Variants in ABLIM1 observed in about 807,000 individuals in gnomAD.
ABLIM1 encodes the protein actin binding LIM protein 1, also known as actin-binding LIM protein 1.
A neutral mutation model predicts 107.0 loss-of-function variants in ABLIM1; 40 were observed. That is an observed-to-expected ratio of 0.37 (90% CI 0.29 to 0.49). The LOEUF is 0.49. Among genes scored for constraint, ABLIM1 ranks in the 20% least tolerant of loss-of-function variants. The probability of loss-of-function intolerance (pLI) is 0.97; values close to 1 mark genes in which losing one functional copy is unlikely to be tolerated. For synonymous variants in ABLIM1, 357 were observed against 357.3 expected, an observed-to-expected ratio of 1.00 and a Z score of 0.01; for missense variants, 857 against 1,008.5, an observed-to-expected ratio of 0.85 and a Z score of 2.04.
chr10:114,747,902 T>G (rs1449175702), intron 1 of ABLIM1, among the ~76,000 whole-genome samples: 1 of 152,094 alleles, frequency 6.6e-6, no homozygotes, highest in Non-Finnish European at 1.5e-5. Flanking sequence ...TAGCTGGGCG[T>G]GTTGGTATGT....
At chr10:114,706,832 T>C (rs1481203478) in intron 1 of ABLIM1, among the ~76,000 whole-genome samples, 1 of 152,102 alleles carries the variant, frequency 6.6e-6, no homozygotes, top group African/African-American at 2.4e-5. Context: ...CTGTGATTCA[T>C]TATGTTTCAG....
rs182706295 is a variant in ABLIM1, at chr10:114,647,242, G to A, written c.244+10715C>T. On this transcript the variant is annotated intron_variant, in intron 1 of 22. Coordinates refer to ENST00000533213, the MANE Select transcript of ABLIM1 (RefSeq NM_002313.7). ...TTGAACTGCTGACCTCAGGTGATCCGCCTGCCTCGGCCTCCCAAAGTACTG... is the reference window on the plus strand; with the variant it reads ...TTGAACTGCTGACCTCAGGTGATCCACCTGCCTCGGCCTCCCAAAGTACTG... 7.6e-4 allele frequency among the ~76,000 whole-genome samples: 110 copies of A among 145,636 alleles called. 2 individuals carry two copies. The highest frequency in any genetic ancestry group is 4.4e-3 in the South Asian group (21 of 4,812).
At chr10:114,502,194 T>C (rs181615245) in intron 6 of ABLIM1, 4 of 173,994 alleles carry the variant, frequency 2.3e-5, no homozygotes, top group Non-Finnish European at 2.6e-5. Flanking sequence ...ATCCTCTCAT[T>C]AGTCTCTTCT....
intron 8 of ABLIM1, among the ~76,000 whole-genome samples, chr10:114,481,314 A>G (rs2057336100): frequency 6.6e-6 from 1 of 151,670 alleles, no homozygotes; most frequent in South Asian, 2.1e-4. Context: ...CAGGGATGCA[A>G]CAACTATATT....
At chr10:114,451,728 A>C (rs1426032908) in intron 13 of ABLIM1, 57 bp from the exon 14 acceptor site, 2 of 1,437,424 alleles carry the variant, frequency 1.4e-6, no homozygotes, top group Admixed American at 3.9e-5. Context: ...GCGATGGGAA[A>C]AACAGATCAA....
intron 12 of ABLIM1, among the ~76,000 whole-genome samples, chr10:114,456,677 G>T (rs2062881879): frequency 6.6e-6 from 1 of 152,162 alleles, no homozygotes. Context: ...GCATATGCAG[G>T]ACACAAACTT....
At chr10:114,508,177 CG>C (rs536229686) in intron 6 of ABLIM1, among the ~76,000 whole-genome samples, 277 of 152,194 alleles carry the variant, frequency 1.8e-3, no homozygotes, top group Non-Finnish European at 3.0e-3. Context: ...GTGGGACAAA[CG>C]TATCACAAAT....
intron 1 of ABLIM1, among the ~76,000 whole-genome samples, chr10:114,744,927 C>T (rs2082352857): frequency 6.6e-6 from 1 of 152,104 alleles, no homozygotes; most frequent in South Asian, 2.1e-4. Context: ...GCATCTCAAA[C>T]TGGCATGTGC....
chr10:114,436,421 A>ATTTGTGTGGCCAT, intron 22 of ABLIM1, 48 bp from the exon 23 acceptor site: 1 of 1,412,432 alleles, frequency 7.1e-7, no homozygotes, highest in Non-Finnish European at 9.9e-7. Flanking sequence ...CCTGATGGCC[A>ATTTGTGTGGCCAT]CACAAATGGC....
intron 5 of ABLIM1, chr10:114,547,401 C>T (rs1002055095): frequency 3.0e-5 from 14 of 470,170 alleles, no homozygotes; most frequent in Non-Finnish European, 5.2e-5. Context: ...TAATGACATA[C>T]AGTGTAACAG....
intron 4 of ABLIM1, among the ~76,000 whole-genome samples, chr10:114,551,287 C>T (rs1416049817): frequency 1.3e-5 from 2 of 152,256 alleles, no homozygotes; most frequent in Non-Finnish European, 2.9e-5. Flanking sequence ...TTACAACCAC[C>T]TCAGTGCCCA....
At position 114,640,222 on chromosome 10, in the gene ABLIM1, G is replaced by T. The variant is rs184937317; in HGVS notation, c.244+17735C>A. Among the ~76,000 whole-genome samples the T allele has an allele frequency of 3.3e-5, 5 of 152,308 alleles. No homozygotes were observed. The East Asian group carries it at 7.7e-4, about 24-fold the overall frequency. On this transcript the variant is annotated intron_variant, in intron 1 of 22. Coordinates refer to ENST00000533213, the MANE Select transcript of ABLIM1 (RefSeq NM_002313.7). The stretch of plus-strand genomic sequence containing the variant: ...CATTGGTAAAATGTGCACGTATCAA[G>T]AAGTGAAATGAAAACAGTTGAGGGC...
chr10:114,466,990 C>T (rs1173834936), intron 11 of ABLIM1, among the ~76,000 whole-genome samples: 1 of 152,034 alleles, frequency 6.6e-6, no homozygotes, highest in Non-Finnish European at 1.5e-5. Flanking sequence ...GAAACCCTGT[C>T]TCTACTAAAC....
At chr10:114,776,751 C>T in the ABLIM1 span, among the ~76,000 whole-genome samples, 1 of 152,196 alleles carries the variant, frequency 6.6e-6, no homozygotes, top group African/African-American at 2.4e-5. Context: ...GTAGCTTGGA[C>T]TACAAGAATG....
chr10:114,704,335 T>TATATATA (rs3061769), intron 1 of ABLIM1, among the ~76,000 whole-genome samples: 27 of 83,374 alleles, frequency 3.2e-4, no homozygotes, highest in South Asian at 5.4e-4. Context: ...TATATATATA[T>TATATATA]TGCGCGCGTT....
At chr10:114,648,678 T>C (rs1015463884) in intron 1 of ABLIM1, among the ~76,000 whole-genome samples, 11 of 152,242 alleles carry the variant, frequency 7.2e-5, no homozygotes, top group African/African-American at 2.7e-4. Context: ...AATGTTATGG[T>C]GTACTACATT....
intron 2 of ABLIM1, among the ~76,000 whole-genome samples, chr10:114,588,794 C>T (rs1336029236): frequency 4.6e-5 from 7 of 151,950 alleles, no homozygotes; most frequent in Non-Finnish European, 1.0e-4. Context: ...CATGAGTCAC[C>T]GCGTCTGGCC....
In ABLIM1 at chr10:114,619,955, CA is replaced by C. The variant is rs1325998337; in HGVS notation, c.245-17995del. ...ATGAAAGATTCAGACATTCTTTTGT[CA>C]AAACCTGTCCCGTTGCAAGTGAAGA... On this transcript the variant is annotated intron_variant, in intron 1 of 22. Coordinates refer to ENST00000533213, the MANE Select transcript of ABLIM1 (RefSeq NM_002313.7). This position sits in a 1 kb window ranked among gnomAD's most constrained non-coding sequence, Gnocchi z 4.1. Among the ~76,000 whole-genome samples the C allele has an allele frequency of 6.6e-6, 1 of 152,184 alleles. No individual in the cohort carries two copies. The highest frequency in any genetic ancestry group is 1.9e-4 in the East Asian group (1 of 5,196).
upstream of ABLIM1, among the ~76,000 whole-genome samples, chr10:114,688,830 G>A (rs1422944618): frequency 6.6e-6 from 1 of 152,184 alleles, no homozygotes; most frequent in East Asian, 1.9e-4. Context: ...CCATTTTCAT[G>A]CCTGAAGTAA....
Sources: allele counts gnomAD v4.1 joint callset (sites outside exome capture counted in the v4.1 genomes callset), GRCh38; gene constraint gnomAD v4.1.1; non-coding constraint Gnocchi (gnomAD v3.1); transcripts MANE v1.5; gene names NCBI Gene and HGNC (gene_info 2026-07-23, HGNC 2026-07-21).